Variants in ASCC3 observed in about 807,000 individuals in gnomAD.
ASCC3 encodes the protein activating signal cointegrator 1 complex subunit 3, also known as ASC-1 complex subunit P200.
A neutral mutation model predicts 256.3 loss-of-function variants in ASCC3; 158 were observed. That is an observed-to-expected ratio of 0.62 (90% CI 0.54 to 0.70). The LOEUF is 0.70. Among genes scored for constraint, ASCC3 ranks in the 30% least tolerant of loss-of-function variants. ASCC3 has a pLI of 0.00. For synonymous variants in ASCC3, 948 were observed against 883.4 expected, an observed-to-expected ratio of 1.07 and a Z score of -1.30; for missense variants, 2,259 against 2,626.0, an observed-to-expected ratio of 0.86 and a Z score of 3.05.
chr6:100,811,439 CTAGTTACACTTA>C (rs2114386373), intron 4 of ASCC3, among the ~76,000 whole-genome samples: 1 of 152,128 alleles, frequency 6.6e-6, no homozygotes, highest in East Asian at 1.9e-4. Context: ...ATTCTTTATT[CTAGTTACACTTA>C]ATATCAAATC....
chr6:100,788,810 A>G (rs1453078415), intron 8 of ASCC3, among the ~76,000 whole-genome samples: 2 of 152,044 alleles, frequency 1.3e-5, no homozygotes, highest in Non-Finnish European at 2.9e-5. Flanking sequence ...GGAAAAGTCA[A>G]AACCATAGGG....
chr6:100,693,575 A>G (rs1777937680), intron 13 of ASCC3, among the ~76,000 whole-genome samples: 1 of 152,220 alleles, frequency 6.6e-6, no homozygotes, highest in South Asian at 2.1e-4. Context: ...TTCACTTAGT[A>G]TAGACAATTA....
intron 30 of ASCC3, among the ~76,000 whole-genome samples, chr6:100,616,603 G>C (rs1209160448): frequency 6.6e-6 from 1 of 151,992 alleles, no homozygotes; most frequent in Non-Finnish European, 1.5e-5. Flanking sequence ...TTTTTCCATG[G>C]TTTGCTCCAG....
In ASCC3 at chr6:100,646,692, C is replaced by T. The variant is rs1775397571; in HGVS notation, c.3556G>A (p.Ala1186Thr). The change falls in exon 22 of 42, where the codon GCA becomes ACA. Residue 1186 changes from alanine to threonine, a missense_variant. Physicochemically the swap from Ala to Thr is moderately conservative, Grantham distance 58. Around this residue, in one of 2 missense-constraint regions of ASCC3, gnomAD observed 1,839 missense variants for 2,206.7 expected, o/e 0.83. Coordinates refer to ENST00000369162, the MANE Select transcript of ASCC3 (RefSeq NM_006828.4). ...GTCCTTGTGATAGGCTGAATGGATG[C>T]TTCCATCATAACAGAAGGAATCTGA... ...VHQIPSVMME[A>T]SIQPITRTVL... 6.2e-7 allele frequency: 1 copy of T among 1,613,250 alleles called. No homozygotes were observed. The highest frequency in any genetic ancestry group is 2.2e-5 in the East Asian group (1 of 44,854).
intron 3 of ASCC3, 25 bp downstream of exon 3, chr6:100,864,032 TAAAAAAA>T: frequency 8.4e-7 from 1 of 1,194,420 alleles, no homozygotes; most frequent in Non-Finnish European, 1.1e-6. Context: ...TGGTTCTCTT[TAAAAAAA>T]AAAAAGAAAA....
At chr6:100,641,974 G>A (rs1254616715) in intron 24 of ASCC3, among the ~76,000 whole-genome samples, 1 of 150,074 alleles carries the variant, frequency 6.7e-6, no homozygotes, top group Non-Finnish European at 1.5e-5. Flanking sequence ...GAGAACACAT[G>A]GACACAGGAA....
chr6:100,677,298 G>A (rs1355736359), intron 14 of ASCC3, among the ~76,000 whole-genome samples: 1 of 151,374 alleles, frequency 6.6e-6, no homozygotes. Context: ...GAGAAGTGAG[G>A]GATATAGTTA....
chr6:100,879,109 T>A (rs1769152033), intron 1 of ASCC3, among the ~76,000 whole-genome samples: 1 of 152,172 alleles, frequency 6.6e-6, no homozygotes, highest in Non-Finnish European at 1.5e-5. Context: ...GTTTACCAAT[T>A]TATTATAAAG....
intron 36 of ASCC3, among the ~76,000 whole-genome samples, chr6:100,576,409 T>C (rs1562130832): frequency 6.6e-6 from 1 of 152,056 alleles, no homozygotes; most frequent in Non-Finnish European, 1.5e-5. Context: ...CTTTATTTTT[T>C]AAAAGTATAT....
rs1259838406 is a variant in ASCC3 at position 100,835,235 on chromosome 6, TTC to T, written c.801+12911_801+12912del. Reference sequence around the variant, plus strand: ...TCCCATTCCTTAGGCTGTATTTTCATTCTGTTTATTGTTCCCTTTGTTGTACA... The same window carrying T: ...TCCCATTCCTTAGGCTGTATTTTCATTGTTTATTGTTCCCTTTGTTGTACA... On this transcript the variant is annotated intron_variant, in intron 4 of 41. Transcript: ENST00000369162. Among the ~76,000 whole-genome samples, 3 of 152,158 alleles carry T rather than the reference TTC, an allele frequency of 2.0e-5. 1 individual carries two copies. Among genetic ancestry groups the T allele is most frequent in the Non-Finnish European group, 2.9e-5 (2 of 67,956 alleles).
chr6:100,687,028 T>TCACA (rs1201705191), intron 13 of ASCC3, among the ~76,000 whole-genome samples: 4,471 of 88,794 alleles, frequency 0.05, 101 homozygotes, highest in Admixed American at 0.13. Flanking sequence ...TCTCTCTCTC[T>TCACA]CTCTCTCACA....
intron 8 of ASCC3, among the ~76,000 whole-genome samples, chr6:100,771,163 A>G (rs1781899680): frequency 6.6e-6 from 1 of 152,164 alleles, no homozygotes; most frequent in Admixed American, 6.5e-5. Context: ...CAAGGGCTGA[A>G]AGGCAATGTA....
intron 8 of ASCC3, among the ~76,000 whole-genome samples, chr6:100,781,068 G>A (rs1211920887): frequency 6.6e-6 from 1 of 152,140 alleles, no homozygotes; most frequent in African/African-American, 2.4e-5. Context: ...AGTAAATGGT[G>A]TAAAGCAAAT....
intron 30 of ASCC3, among the ~76,000 whole-genome samples, chr6:100,607,483 G>GA (rs142722805): frequency 4.4e-4 from 65 of 148,132 alleles, no homozygotes; most frequent in Admixed American, 1.1e-3. Context: ...AAAAATAGTG[G>GA]AAAAAAAAAA....
At chr6:100,785,099 G>A (rs945519562) in intron 8 of ASCC3, among the ~76,000 whole-genome samples, 1 of 152,126 alleles carries the variant, frequency 6.6e-6, no homozygotes, top group Non-Finnish European at 1.5e-5. Flanking sequence ...GAAGAGTCAT[G>A]TGTTTTAATG....
chr6:100,591,022 T>C (rs1203534524), intron 34 of ASCC3, among the ~76,000 whole-genome samples: 2 of 152,066 alleles, frequency 1.3e-5, no homozygotes, highest in Admixed American at 6.6e-5. Context: ...TTTGGGAAAA[T>C]TACTTCCATT....
chr6:100,654,441 G>A (rs937316156), intron 17 of ASCC3, among the ~76,000 whole-genome samples: 2 of 151,876 alleles, frequency 1.3e-5, no homozygotes, highest in Admixed American at 6.6e-5. Context: ...TATTTATCTT[G>A]TTCCAAAATT....
chr6:100,659,205 C>T (rs1380079929), intron 16 of ASCC3, among the ~76,000 whole-genome samples: 2 of 151,350 alleles, frequency 1.3e-5, no homozygotes, highest in Non-Finnish European at 3.0e-5. Flanking sequence ...TTGATTAGTG[C>T]AACTGTACAG....
intron 4 of ASCC3, among the ~76,000 whole-genome samples, chr6:100,811,948 C>T (rs765220244): frequency 3.9e-5 from 6 of 151,994 alleles, no homozygotes; most frequent in East Asian, 1.9e-4. Context: ...ATGTTGCAAA[C>T]GAGACAGTAA....
Sources: gnomAD v4.1 joint callset for allele counts (sites outside exome capture counted in the v4.1 genomes callset) on GRCh38, gnomAD v4.1.1 for gene constraint, gnomAD v4.1.1 regional missense constraint, MANE v1.5 for transcripts, NCBI Gene and HGNC (gene_info 2026-07-23, HGNC 2026-07-21) for gene names.